Variants in IMMP2L observed in about 807,000 individuals in gnomAD.
The protein encoded by IMMP2L is inner mitochondrial membrane peptidase subunit 2.
IMMP2L carries 18 observed loss-of-function variants against 19.3 expected under a neutral mutation model. The ratio of observed to expected loss-of-function variants is 0.93; its 90% CI spans 0.64 to 1.38. The LOEUF (loss-of-function observed/expected upper bound fraction) is 1.38, where lower values mean the gene tolerates loss of function less well. Among genes scored for constraint, IMMP2L ranks in the 40% most tolerant of loss-of-function variants. The probability of loss-of-function intolerance (pLI) is 0.00; values close to 1 mark genes in which losing one functional copy is unlikely to be tolerated. For synonymous variants in IMMP2L, 76 were observed against 73.0 expected (o/e 1.04, Z -0.21); for missense variants, 233 against 218.2 (o/e 1.07, Z -0.43).
At chr7:111,561,466 A>G (rs1484032510) in intron 1 of IMMP2L, among the ~76,000 whole-genome samples, 1 of 152,154 alleles carries the variant, frequency 6.6e-6, no homozygotes. Context: ...GTTCATTATC[A>G]AACAGGACCT....
Position 111,122,851 on chromosome 7 carries a change from G to A in IMMP2L, c.240-159286C>T, listed in dbSNP as rs771295780. On this transcript the variant is annotated intron_variant, in intron 3 of 5. Coordinates refer to ENST00000405709, the MANE Select transcript of IMMP2L (RefSeq NM_032549.4). ...ACTAGTACAAGCTGTAGATAAAAAA[G>A]TGGATTGTCCACGGTTATGTACGTG... 2.5e-6 allele frequency: 4 copies of A among 1,613,972 alleles called. No individual in the cohort carries two copies. The South Asian group carries it at 4.4e-5, about 18-fold the overall frequency.
intron 3 of IMMP2L, among the ~76,000 whole-genome samples, chr7:111,472,814 T>G (rs1841382017): frequency 6.6e-6 from 1 of 151,974 alleles, no homozygotes. Context: ...AATAGTGCTA[T>G]GCTGAGTGCA....
rs190765106 is a variant in IMMP2L, at chr7:111,019,200, T to C, written c.240-55635A>G. ...CACACTACATGAAGGAAATATCTGT[T>C]GGCATTGAGAGGGAAAAAAACTGAC... is the stretch of plus-strand genomic sequence containing the variant. On this transcript the variant is annotated intron_variant, in intron 3 of 5. Transcript: ENST00000405709. Among the ~76,000 whole-genome samples, 412 of 152,274 alleles carry C rather than the reference T, an allele frequency of 2.7e-3. 1 individual carries two copies. Among genetic ancestry groups the C allele is most frequent in the African/African-American group, 9.5e-3 (396 of 41,558 alleles).
intron 3 of IMMP2L, among the ~76,000 whole-genome samples, chr7:111,030,874 G>A (rs1483488581): frequency 5.2e-5 from 1 of 19,370 alleles, no homozygotes; most frequent in Non-Finnish European, 1.1e-4. Flanking sequence ...GTGTATGTGT[G>A]TGTGTGTGTG....
At chr7:110,826,704 G>A (rs1218758111) in intron 5 of IMMP2L, among the ~76,000 whole-genome samples, 1 of 152,008 alleles carries the variant, frequency 6.6e-6, no homozygotes, top group East Asian at 1.9e-4. Context: ...GGGGGAGTGG[G>A]GAGGGATAGC....
chr7:111,346,796 T>C (rs1055615998), intron 3 of IMMP2L, among the ~76,000 whole-genome samples: 2 of 152,168 alleles, frequency 1.3e-5, no homozygotes, highest in African/African-American at 4.8e-5. Flanking sequence ...ATTTGTAAGC[T>C]GTGGTATAGC....
At chr7:111,410,387 C>A (rs1487552677) in intron 3 of IMMP2L, among the ~76,000 whole-genome samples, 2 of 151,340 alleles carry the variant, frequency 1.3e-5, no homozygotes, top group African/African-American at 4.9e-5. Context: ...GGGAGAGAGA[C>A]CATTTAAAAG....
chr7:111,196,263 C>T (rs1051957928), intron 3 of IMMP2L, among the ~76,000 whole-genome samples: 4 of 152,108 alleles, frequency 2.6e-5, no homozygotes, highest in Admixed American at 2.6e-4. Flanking sequence ...ATATTGTTCC[C>T]TAAAAGGAAC....
chr7:111,369,633 C>G (rs1281612657), intron 3 of IMMP2L, among the ~76,000 whole-genome samples: 1 of 151,786 alleles, frequency 6.6e-6, no homozygotes, highest in African/African-American at 2.4e-5. Flanking sequence ...AAAACAAAGC[C>G]ATTTTCAAAA....
In IMMP2L at chr7:110,665,183, T is replaced by C. The variant is rs548605062; in HGVS notation, c.409-1462A>G. 3.3e-5 allele frequency among the ~76,000 whole-genome samples: 5 copies of C among 152,292 alleles called. No homozygotes were observed. In the East Asian group the frequency reaches 9.7e-4, roughly 29 times the overall value. On this transcript the variant is annotated intron_variant, in intron 5 of 5. Transcript: ENST00000405709. ...TACTTGTTATTTTGAAAATCAGACC[T>C]GTAAAAAATTTGAAAGTGTGGTACA...
rs1233722854 is a variant in IMMP2L, at chr7:110,753,753, G to GTGTGT, written c.409-90033_409-90032insACACA. Reference sequence around the variant, plus strand: ...TTTGAAAGTGTGTGTGTGAGTGTGGGGTGTGTGTGTGTGTGTGTGTGTGTG... The same window carrying GTGTGT: ...TTTGAAAGTGTGTGTGTGAGTGTGGGTGTGTGTGTGTGTGTGTGTGTGTGTGTGTG... On this transcript the variant is annotated intron_variant, in intron 5 of 5. Transcript: ENST00000405709. Among the ~76,000 whole-genome samples the GTGTGT allele has an allele frequency of 6.7e-3, 982 of 147,138 alleles. 18 individuals are homozygous for GTGTGT. Among genetic ancestry groups the GTGTGT allele is most frequent in the African/African-American group, 0.022 (858 of 38,384 alleles).
At chr7:111,388,463 G>C (rs940391737) in intron 3 of IMMP2L, among the ~76,000 whole-genome samples, 11 of 151,992 alleles carry the variant, frequency 7.2e-5, no homozygotes, top group Admixed American at 6.6e-4. Context: ...CTGATCAATA[G>C]ATAGATAGAT....
chr7:110,900,955 T>C (rs1451197316), intron 4 of IMMP2L, among the ~76,000 whole-genome samples: 4 of 152,024 alleles, frequency 2.6e-5, no homozygotes, highest in Non-Finnish European at 5.9e-5. Flanking sequence ...GCCTTTTCAA[T>C]GTTCCTCCAG....
chr7:111,543,301 T>G (rs1321404824), intron 1 of IMMP2L, among the ~76,000 whole-genome samples: 1 of 152,162 alleles, frequency 6.6e-6, no homozygotes, highest in Non-Finnish European at 1.5e-5. Flanking sequence ...ACCATATTAG[T>G]GTGCTCTCCG....
intron 5 of IMMP2L, among the ~76,000 whole-genome samples, chr7:110,754,221 CA>C (rs1797907475): frequency 6.6e-6 from 1 of 151,858 alleles, no homozygotes; most frequent in South Asian, 2.1e-4. Flanking sequence ...AATGGTTTAC[CA>C]GCTTTTTCTG....
chr7:111,313,972 T>G (rs769590530), intron 3 of IMMP2L, among the ~76,000 whole-genome samples: 1 of 151,850 alleles, frequency 6.6e-6, no homozygotes, highest in African/African-American at 2.4e-5. Context: ...AGTGTGGCAC[T>G]TTCTGCCCTC....
intron 3 of IMMP2L, among the ~76,000 whole-genome samples, chr7:111,253,563 AG>A (rs1272454638): frequency 6.6e-6 from 1 of 152,144 alleles, no homozygotes; most frequent in African/African-American, 2.4e-5. Flanking sequence ...CTTGAGAGGG[AG>A]GCAAGGCTGA....
intron 3 of IMMP2L, among the ~76,000 whole-genome samples, chr7:111,303,470 C>CTT (rs952211970): frequency 2.6e-5 from 4 of 152,010 alleles, no homozygotes; most frequent in Non-Finnish European, 5.9e-5. Flanking sequence ...TTCTGCAATG[C>CTT]TTTTACTTAC....
intron 5 of IMMP2L, among the ~76,000 whole-genome samples, chr7:110,860,811 C>T (rs1807318272): frequency 6.6e-6 from 1 of 151,904 alleles, no homozygotes; most frequent in Non-Finnish European, 1.5e-5. Flanking sequence ...AAAAGGAAAC[C>T]TAAGAAAACT....
Sources: gnomAD v4.1 joint callset for allele counts (sites outside exome capture counted in the v4.1 genomes callset) on GRCh38, gnomAD v4.1.1 for gene constraint, MANE v1.5 for transcripts, NCBI Gene and HGNC (gene_info 2026-07-23, HGNC 2026-07-21) for gene names.